TTC33: variants seen among roughly 807,000 people sequenced by gnomAD.
The protein encoded by TTC33 is tetratricopeptide repeat protein 33.
In TTC33, 24 loss-of-function variants were observed where a neutral mutation model predicts 29.4. The observed-to-expected ratio is 0.82, with a 90% CI of 0.59 to 1.15. TTC33 has a LOEUF of 1.15. Ranked by LOEUF, TTC33 falls within the 50% of genes most tolerant of loss-of-function variation. The pLI is 0.00. For missense variants in TTC33, 286 were observed against 310.4 expected (o/e 0.92, Z 0.59); for synonymous variants, 107 against 100.3 (o/e 1.07, Z -0.40).
At chr5:40,720,192 T>C (rs936945139) in intron 4 of TTC33, among the ~76,000 whole-genome samples, 1 of 152,240 alleles carries the variant, frequency 6.6e-6, no homozygotes, top group African/African-American at 2.4e-5. Flanking sequence ...TTCTTATGTT[T>C]AGGTCTTTGT....
At chr5:40,743,728 C>A (rs1242315538) in intron 2 of TTC33, among the ~76,000 whole-genome samples, 1 of 152,026 alleles carries the variant, frequency 6.6e-6, no homozygotes, top group East Asian at 1.9e-4. Context: ...GAGCCAAGAT[C>A]GCGCCACTGC....
In TTC33 at chr5:40,712,468, A is replaced by C. The variant is rs1262043280; in HGVS notation, c.*3677T>G. On this transcript the variant is annotated 3_prime_UTR_variant, in exon 5 of 5. Coordinates refer to ENST00000337702, the MANE Select transcript of TTC33 (RefSeq NM_012382.3). ...ATTCAATATTTTAAGTTTACTGCTG[A>C]AAAAGGCTAGGTTAGAGGATGTACT... is the stretch of plus-strand genomic sequence containing the variant. Among the ~76,000 whole-genome samples, 1 of 152,152 alleles carries C rather than the reference A, an allele frequency of 6.6e-6. No homozygotes were observed. The highest frequency in any genetic ancestry group is 1.5e-5 in the Non-Finnish European group (1 of 68,010).
At chr5:40,738,015 C>T (rs150929628) in intron 2 of TTC33, among the ~76,000 whole-genome samples, 2 of 152,312 alleles carry the variant, frequency 1.3e-5, no homozygotes, top group East Asian at 3.9e-4. Flanking sequence ...CTGCTAGAGA[C>T]ATTGTTGGAA....
intron 2 of TTC33, among the ~76,000 whole-genome samples, chr5:40,743,759 G>C (rs1742742336): frequency 6.6e-6 from 1 of 152,092 alleles, no homozygotes; most frequent in Non-Finnish European, 1.5e-5. Flanking sequence ...GGGCAACAGT[G>C]CAAGACTCCA....
intron 2 of TTC33, among the ~76,000 whole-genome samples, chr5:40,743,895 A>G (rs766200044): frequency 1.3e-5 from 2 of 152,240 alleles, no homozygotes; most frequent in Non-Finnish European, 2.9e-5. Context: ...AAAGCATCCA[A>G]TCCCACTGGT....
intron 1 of TTC33, among the ~76,000 whole-genome samples, chr5:40,751,466 T>C (rs1478811717): frequency 2.6e-5 from 4 of 152,198 alleles, no homozygotes; most frequent in Admixed American, 2.0e-4. Flanking sequence ...GCAAAGTACA[T>C]TTAGCATAAT....
intron 4 of TTC33, among the ~76,000 whole-genome samples, chr5:40,717,058 G>A (rs567284232): frequency 6.6e-6 from 1 of 151,870 alleles, no homozygotes; most frequent in African/African-American, 2.4e-5. Context: ...GTGAAACCCT[G>A]TCTCTACTAA....
chr5:40,755,158 T>G (rs761700940), intron 1 of TTC33, among the ~76,000 whole-genome samples: 2 of 152,150 alleles, frequency 1.3e-5, no homozygotes, highest in Non-Finnish European at 2.9e-5. Flanking sequence ...AAGATCCCTA[T>G]AGTAGGCGCT....
intron 1 of TTC33, among the ~76,000 whole-genome samples, chr5:40,752,612 TATTG>T (rs1742915377): frequency 6.6e-6 from 1 of 152,194 alleles, no homozygotes; most frequent in African/African-American, 2.4e-5. Context: ...AACACACATT[TATTG>T]ATTAAGTTCA....
chr5:40,716,582 A>G, intron 4 of TTC33, 84 bp from the exon 5 acceptor site: 2 of 849,000 alleles, frequency 2.4e-6, no homozygotes, highest in East Asian at 2.4e-5. Flanking sequence ...GTACATATAT[A>G]CTGTACACAT....
At chr5:40,733,194 G>A (rs973359439) in intron 2 of TTC33, among the ~76,000 whole-genome samples, 5 of 152,264 alleles carry the variant, frequency 3.3e-5, no homozygotes, top group Middle Eastern at 3.4e-3. Flanking sequence ...AGAATTCTAC[G>A]TTTAGCAGAG....
chr5:40,751,548 G>C (rs1477829984), intron 1 of TTC33, among the ~76,000 whole-genome samples: 2 of 152,154 alleles, frequency 1.3e-5, no homozygotes, highest in Non-Finnish European at 2.9e-5. Context: ...AGCTACATTA[G>C]CCCTCACAAA....
intron 3 of TTC33, among the ~76,000 whole-genome samples, chr5:40,729,168 A>C (rs1034832595): frequency 1.3e-5 from 2 of 152,220 alleles, no homozygotes; most frequent in African/African-American, 4.8e-5. Context: ...CCTGTCATTC[A>C]TATATACATA....
rs537096353 is a variant in TTC33, at chr5:40,723,367, C to T, written c.435+4978G>A. Among the ~76,000 whole-genome samples the T allele has an allele frequency of 4.2e-3, 635 of 152,066 alleles. 3 individuals carry two copies. Among genetic ancestry groups the T allele is most frequent in the African/African-American group, 0.015 (609 of 41,450 alleles). ...TCACATGTTTATCTGCTGACCTTCC[C>T]TCCACTATTGTCCTATGACCCTGCC... On this transcript the variant is annotated intron_variant, in intron 4 of 4. Coordinates refer to ENST00000337702, the MANE Select transcript of TTC33 (RefSeq NM_012382.3).
intron 2 of TTC33, among the ~76,000 whole-genome samples, chr5:40,735,750 G>C (rs1742535563): frequency 6.6e-6 from 1 of 152,228 alleles, no homozygotes; most frequent in African/African-American, 2.4e-5. Context: ...TGGAAGATGA[G>C]AGAGCAGTGT....
intron 4 of TTC33, among the ~76,000 whole-genome samples, chr5:40,719,323 A>ATGTCTGGT (rs1742075990): frequency 6.6e-6 from 1 of 152,158 alleles, no homozygotes; most frequent in Non-Finnish European, 1.5e-5. Context: ...ACAGCCTTTT[A>ATGTCTGGT]TGTCTGGTTT....
intron 4 of TTC33, among the ~76,000 whole-genome samples, chr5:40,724,135 C>T (rs926074164): frequency 6.6e-6 from 1 of 152,088 alleles, no homozygotes; most frequent in Non-Finnish European, 1.5e-5. Context: ...AAATGTCCAT[C>T]AAAGGAAGAA....
chr5:40,737,223 G>A (rs1446765252), intron 2 of TTC33, among the ~76,000 whole-genome samples: 2 of 151,740 alleles, frequency 1.3e-5, no homozygotes, highest in South Asian at 2.1e-4. Context: ...CTTGAACCTG[G>A]AAAGTGGAGA....
Position 40,716,136 on chromosome 5 carries a change from C to A in TTC33, c.*9G>T. 1.3e-6 allele frequency: 2 copies of A among 1,581,766 alleles called. No homozygotes were observed. Among genetic ancestry groups the A allele is most frequent in the Non-Finnish European group, 1.7e-6 (2 of 1,162,178 alleles). On this transcript the variant is annotated 3_prime_UTR_variant, in exon 5 of 5. Transcript: ENST00000337702. ...AAAGACAGATTCAAATAATCCTATG[C>A]ATACTGCTTCATCGGGCTTTGATAA...
Sources: gnomAD v4.1 joint callset for allele counts (sites outside exome capture counted in the v4.1 genomes callset) on GRCh38, gnomAD v4.1.1 for gene constraint, MANE v1.5 for transcripts, NCBI Gene and HGNC (gene_info 2026-07-23, HGNC 2026-07-21) for gene names.